EPB41L5: variants seen among roughly 807,000 people sequenced by gnomAD.
The protein encoded by EPB41L5 is band 4.1-like protein 5.
EPB41L5 carries 55 observed loss-of-function variants against 106.6 expected under a neutral mutation model. The observed-to-expected ratio is 0.52, with a 90% CI of 0.42 to 0.65. The LOEUF is 0.65. Ranked by LOEUF, EPB41L5 falls within the 30% of genes least tolerant of loss-of-function variation. EPB41L5 has a pLI of 0.00. For missense variants in EPB41L5, 871 were observed against 882.1 expected (o/e 0.99, Z 0.16); for synonymous variants, 297 against 306.7 (o/e 0.97, Z 0.33).
intron 16 of EPB41L5, among the ~76,000 whole-genome samples, chr2:120,110,913 A>G (rs967463831): frequency 3.9e-5 from 6 of 152,116 alleles, no homozygotes; most frequent in Admixed American, 1.3e-4. Context: ...AAGTGCTGGG[A>G]TTACAGGTGT....
At chr2:120,104,951 T>C (rs768686053) in intron 16 of EPB41L5, 14 of 980,976 alleles carry the variant, frequency 1.4e-5, no homozygotes, top group African/African-American at 1.7e-5. Context: ...AATGGTTACA[T>C]TACTACTGAA....
chr2:120,065,126 CTT>C (rs898817847), intron 3 of EPB41L5, among the ~76,000 whole-genome samples: 1 of 151,900 alleles, frequency 6.6e-6, no homozygotes, highest in African/African-American at 2.4e-5. Flanking sequence ...TATTTATGTA[CTT>C]ACATTTTAGA....
At chr2:120,100,409 C>T in intron 15 of EPB41L5, 123 bp downstream of exon 15, 1 of 942,444 alleles carries the variant, frequency 1.1e-6, no homozygotes, top group East Asian at 2.5e-5. Flanking sequence ...ATTTTCTTTT[C>T]CTTTTCCCTT....
intron 18 of EPB41L5, among the ~76,000 whole-genome samples, chr2:120,134,260 T>C (rs1215359960): frequency 6.6e-6 from 1 of 151,836 alleles, no homozygotes; most frequent in East Asian, 1.9e-4. Flanking sequence ...GGGTAACAGC[T>C]CAGTCACAGT....
At chr2:120,163,642 G>A (rs1282632488) in intron 21 of EPB41L5, among the ~76,000 whole-genome samples, 5 of 146,974 alleles carry the variant, frequency 3.4e-5, no homozygotes, top group African/African-American at 1.3e-4. Flanking sequence ...ATACAGAGTA[G>A]TACCATTCTC....
At chr2:120,127,434 C>T (rs897696137) in intron 16 of EPB41L5, among the ~76,000 whole-genome samples, 1 of 152,170 alleles carries the variant, frequency 6.6e-6, no homozygotes, top group African/African-American at 2.4e-5. Context: ...TGCATGTAAC[C>T]TACATGCATC....
intron 12 of EPB41L5, among the ~76,000 whole-genome samples, chr2:120,091,195 A>G (rs991611409): frequency 1.3e-5 from 2 of 152,260 alleles, no homozygotes; most frequent in African/African-American, 4.8e-5. Context: ...AAAAGTGAAT[A>G]TCACAATTAG....
chr2:120,093,259 A>C lies in EPB41L5; in HGVS notation c.1161A>C (p.Thr387=), dbSNP rs1212812559. 1 of 1,613,722 alleles carries C rather than the reference A, an allele frequency of 6.2e-7. No individual in the cohort carries two copies. Residue 387 remains threonine, a synonymous_variant, in exon 14 of 25, where the codon ACA becomes ACC. Transcript: ENST00000263713. ...RRTLQMKACA[T]KPEELSVHNN... ...TTTTTCTTCTGTTAGCATGTGCTAC[A>C]AAACCTGAAGAACTTAGGTAAGTAA...
At chr2:120,075,882 GTCCA>G in intron 7 of EPB41L5, 129 bp downstream of exon 7, 1 of 730,230 alleles carries the variant, frequency 1.4e-6, no homozygotes, top group Non-Finnish European at 2.3e-6. Context: ...TTGTATCAGG[GTCCA>G]ACTCTGACTT....
chr2:120,128,496 T>A (rs896296920), intron 17 of EPB41L5, among the ~76,000 whole-genome samples: 1 of 152,222 alleles, frequency 6.6e-6, no homozygotes, highest in Non-Finnish European at 1.5e-5. Flanking sequence ...TTAGCCACCA[T>A]CATTAAACAA....
intron 21 of EPB41L5, among the ~76,000 whole-genome samples, chr2:120,161,375 CAAAAAAAA>C: frequency 7.7e-6 from 1 of 129,878 alleles, no homozygotes; most frequent in Non-Finnish European, 1.6e-5. Context: ...GAGACTGTCT[CAAAAAAAA>C]AAAAAAAAAT....
chr2:120,063,387 A>G (rs1332475577), intron 3 of EPB41L5, among the ~76,000 whole-genome samples: 1 of 151,786 alleles, frequency 6.6e-6, no homozygotes, highest in African/African-American at 2.4e-5. Context: ...AATGACCATC[A>G]AAACCTAGTG....
At chr2:120,083,146 G>A (rs920597862) in intron 10 of EPB41L5, among the ~76,000 whole-genome samples, 1 of 152,106 alleles carries the variant, frequency 6.6e-6, no homozygotes, top group African/African-American at 2.4e-5. Flanking sequence ...CCTTCTGCTA[G>A]CTTTTGAATG....
At chr2:120,100,492 C>T (rs1684070857) in intron 15 of EPB41L5, among the ~76,000 whole-genome samples, 1 of 152,136 alleles carries the variant, frequency 6.6e-6, no homozygotes, top group Non-Finnish European at 1.5e-5. Flanking sequence ...CTCTATAAAA[C>T]ATTTTATGTC....
At chr2:120,014,899 A>G (rs575775689) in intron 1 of EPB41L5, among the ~76,000 whole-genome samples, 3 of 152,010 alleles carry the variant, frequency 2.0e-5, no homozygotes, top group East Asian at 1.9e-4. Context: ...TGGCTGCAAC[A>G]TGAAGAGCGC....
chr2:120,029,057 A>G (rs575639878), intron 2 of EPB41L5, among the ~76,000 whole-genome samples: 9 of 152,320 alleles, frequency 5.9e-5, no homozygotes, highest in African/African-American at 1.9e-4. Flanking sequence ...AGATTTGGCA[A>G]TAGATGGAAG....
intron 1 of EPB41L5, 23 bp downstream of exon 1, chr2:120,013,233 G>C (rs1677248037): frequency 6.6e-6 from 1 of 152,432 alleles, no homozygotes; most frequent in South Asian, 2.1e-4. Flanking sequence ...CCCGGCGGCG[G>C]CGCCGCAGTA....
chr2:120,058,767 G>A (rs1013899954), intron 3 of EPB41L5, among the ~76,000 whole-genome samples: 3 of 152,140 alleles, frequency 2.0e-5, no homozygotes, highest in Non-Finnish European at 4.4e-5. Flanking sequence ...TTAAAAAGTT[G>A]TTAAACATAT....
chr2:120,135,668 C>T (rs895024989), intron 18 of EPB41L5, among the ~76,000 whole-genome samples: 3 of 152,074 alleles, frequency 2.0e-5, no homozygotes, highest in African/African-American at 7.2e-5. Flanking sequence ...TCAGCAGACA[C>T]CTCACAGGCC....
Sources: allele counts gnomAD v4.1 joint callset (sites outside exome capture counted in the v4.1 genomes callset), GRCh38; gene constraint gnomAD v4.1.1; transcripts MANE v1.5; gene names NCBI Gene and HGNC (gene_info 2026-07-23, HGNC 2026-07-21).